Variants in CCNP observed in about 807,000 individuals in gnomAD.
The protein encoded by CCNP is cyclin-P.
Under a neutral mutation model 19.6 loss-of-function variants are expected in CCNP, and 18 were observed. The ratio of observed to expected loss-of-function variants is 0.92; its 90% CI spans 0.64 to 1.36. The LOEUF (loss-of-function observed/expected upper bound fraction) is 1.36. Ranked by LOEUF, CCNP falls within the 40% of genes most tolerant of loss-of-function variation. The pLI is 0.00. For missense variants in CCNP, 440 were observed against 424.4 expected (o/e 1.04, Z -0.32); for synonymous variants, 228 against 194.9 (o/e 1.17, Z -1.41).
At chr19:40,223,729 G>A (rs979042924) in intron 3 of CCNP, 183 bp from the exon 4 acceptor site, 4 of 773,476 alleles carry the variant, frequency 5.2e-6, no homozygotes, top group Non-Finnish European at 8.7e-6. Context: ...ACCTAGGTTC[G>A]AGTTCAAACC....
At chr19:40,223,622 C>T (rs1349339041) in intron 3 of CCNP, 76 bp from the exon 4 acceptor site, 1 of 1,593,726 alleles carries the variant, frequency 6.3e-7, no homozygotes, top group South Asian at 1.1e-5. Context: ...GGAAAGGCCC[C>T]AAGTTCCGGA....
In CCNP at chr19:40,223,075, G is replaced by A. The variant is rs1973473273; in HGVS notation, c.901C>T (p.Arg301Trp). The A allele has an allele frequency of 3.2e-6, 5 of 1,543,366 alleles. No homozygotes were observed. Among genetic ancestry groups the A allele is most frequent in the South Asian group, 2.4e-5 (2 of 83,630 alleles). ...CCTCAATAATTGTCTCTCATTCTCC[G>A]AGACCGTAAAAATGACCAGGAAGGT... ...DLPSWSFLRS[R>W]RMRDNY The change falls in exon 5 of 5, where the codon CGG becomes TGG. Residue 301 changes from arginine (R) to tryptophan (W), a missense_variant. By Grantham distance (101) the Arg-to-Trp change is moderately radical. Coordinates refer to ENST00000430325, the MANE Select transcript of CCNP (RefSeq NM_024877.4).
rs1973459260 is a variant in CCNP, at chr19:40,222,399, CG to C, written c.*652del. 1 of 398,494 alleles carries C rather than the reference CG, an allele frequency of 2.5e-6. No individual in the cohort carries two copies. The highest frequency in any genetic ancestry group is 1.3e-4 in the South Asian group (1 of 7,890). The allele number at this position is 398,494 out of a possible 1,614,324, so 24.7% of individuals were successfully genotyped here. A position where few individuals can be genotyped will look rare whatever the true frequency, so the allele number is the denominator to read the frequency against. ...GGCCGCGCATACTTGAGGAAGACTG[CG>C]GCGCGACCCGGCGCGGGACCTCGGA... is the stretch of plus-strand genomic sequence containing the variant. On this transcript the variant is annotated 3_prime_UTR_variant, in exon 5 of 5. Transcript: ENST00000430325.
intron 3 of CCNP, 21 bp from the exon 4 acceptor site, chr19:40,223,567 G>T (rs769180432): frequency 1.8e-5 from 28 of 1,598,144 alleles, no homozygotes; most frequent in Admixed American, 1.7e-5. Flanking sequence ...GGGATGCGGG[G>T]GGAGGTGAAG....
rs751717917 is a variant in CCNP at position 40,224,574 on chromosome 19, C to T, written c.427G>A (p.Gly143Ser). 2.5e-5 allele frequency: 41 copies of T among 1,614,182 alleles called. No individual in the cohort carries two copies. Among genetic ancestry groups the T allele is most frequent in the Non-Finnish European group, 3.4e-5 (40 of 1,180,022 alleles). The change falls in exon 3 of 5, where the codon GGC becomes AGC. Residue 143 changes from glycine to serine, a missense_variant. Physicochemically the swap from Gly to Ser is moderately conservative, Grantham distance 56. Coordinates refer to ENST00000430325, the MANE Select transcript of CCNP (RefSeq NM_024877.4). Reference sequence around the variant, plus strand: ...TGCAGGCGATGTAGACGCACGCGGCCAGCGCTCAGGTAGGAATCAAGCAGG... The same window carrying T: ...TGCAGGCGATGTAGACGCACGCGGCTAGCGCTCAGGTAGGAATCAAGCAGG... The part of the protein sequence containing the change: ...VHLLDSYLSA[G>S]RVRLHRLQLL...
In CCNP at chr19:40,226,510, G is replaced by C; in HGVS notation, c.132C>G (p.Val44=). 6.3e-7 allele frequency: 1 copy of C among 1,598,238 alleles called. No homozygotes were observed. Among genetic ancestry groups the C allele is most frequent in the Non-Finnish European group, 8.5e-7 (1 of 1,173,700 alleles). The part of the protein sequence containing the change: ...SLDAEPSSAA[V]PDGFPAGPTV... ...TGGGGCCCGCGGGGAAGCCGTCGGG[G>C]ACTGCGGCGCTTGAAGGCTCTGCGT... The change falls in exon 1 of 5, where the codon GTC becomes GTG. Residue 44 remains valine, a synonymous_variant. Coordinates refer to ENST00000430325, the MANE Select transcript of CCNP (RefSeq NM_024877.4).
At chr19:40,223,657 G>A in intron 3 of CCNP, 111 bp from the exon 4 acceptor site, 1 of 1,474,700 alleles carries the variant, frequency 6.8e-7, no homozygotes, top group Non-Finnish European at 9.4e-7. Context: ...TGTGTAAAAT[G>A]GGGCCATTGA....
chr19:40,226,331 G>A (rs745742253), intron 1 of CCNP, 44 bp downstream of exon 1: 1 of 1,564,100 alleles, frequency 6.4e-7, no homozygotes, highest in South Asian at 1.1e-5. Context: ...GCCGGGCGGT[G>A]GGCCGGCGTC....
chr19:40,222,757 G>A lies in CCNP; in HGVS notation c.*295C>T, dbSNP rs1197144174. 4.7e-6 allele frequency: 2 copies of A among 425,068 alleles called. No homozygotes were observed. The highest frequency in any genetic ancestry group is 4.1e-5 in the Admixed American group (1 of 24,174). The allele number at this position is 425,068 out of a possible 1,614,324, so 26.3% of individuals were successfully genotyped here. Reference sequence around the variant, plus strand: ...GAGGATGGGCAGCCATCCTCTCTATGCTGGGTGCACAGGCTGAGGGAAACC... The same window carrying A: ...GAGGATGGGCAGCCATCCTCTCTATACTGGGTGCACAGGCTGAGGGAAACC... On this transcript the variant is annotated 3_prime_UTR_variant, in exon 5 of 5. Transcript: ENST00000430325.
Position 40,223,392 on chromosome 19 carries a change from G to C in CCNP, c.668C>G (p.Pro223Arg). The C allele has an allele frequency of 9.7e-6, 15 of 1,550,542 alleles. No homozygotes were observed. The highest frequency in any genetic ancestry group is 1.3e-5 in the Non-Finnish European group (15 of 1,149,254). The change falls in exon 4 of 5, where the codon CCC (proline) becomes CGC (arginine). Residue 223 changes from proline to arginine, a missense_variant. Physicochemically the swap from Pro to Arg is moderately radical, Grantham distance 103. Coordinates refer to ENST00000430325, the MANE Select transcript of CCNP (RefSeq NM_024877.4). ...GLLAALAGSS[P>R]QVMLLATYFL... ...CGCGTATTCACAAGGGCTCACCTGG[G>C]GGCTGCTCCCTGCCAGCGCGGCCAG...
At chr19:40,225,079 T>TTTTTTTTA (rs1973521692) in intron 1 of CCNP, 1 of 432,156 alleles carries the variant, frequency 2.3e-6, no homozygotes, top group African/African-American at 2.6e-5. Context: ...TTTTTTTTTT[T>TTTTTTTTA]GAGACAAAGT....
rs764573952 is a variant in CCNP, at chr19:40,223,506, C to G, written c.554G>C (p.Arg185Pro). Residue 185 changes from arginine (R) to proline (P), a missense_variant, in exon 4 of 5, where the codon CGG becomes CCG. By Grantham distance (103) the Arg-to-Pro change is moderately radical. Coordinates refer to ENST00000430325, the MANE Select transcript of CCNP (RefSeq NM_024877.4). ...LCLLSADSFSRAELLRAERRI... is the reference protein window; with the variant it reads ...LCLLSADSFSPAELLRAERRI... Reference sequence around the variant, plus strand: ...ACGCTCGGCGCGCAGCAGCTCCGCCCGTGAGAAGGAGTCCGCGCTCAGGAG... The same window carrying G: ...ACGCTCGGCGCGCAGCAGCTCCGCCGGTGAGAAGGAGTCCGCGCTCAGGAG... 4.4e-6 allele frequency: 7 copies of G among 1,607,978 alleles called. No individual in the cohort carries two copies. The highest frequency in any genetic ancestry group is 2.2e-5 in the East Asian group (1 of 44,752).
At chr19:40,224,202 G>C (rs933996540) in intron 3 of CCNP, among the ~76,000 whole-genome samples, 2 of 152,052 alleles carry the variant, frequency 1.3e-5, no homozygotes, top group South Asian at 2.1e-4. Context: ...TGATCTGCCG[G>C]TTTCAGCCTT....
At position 40,223,468 on chromosome 19, in the gene CCNP, G is replaced by C. The variant is rs748047515; in HGVS notation, c.592C>G (p.Arg198Gly). ...LLRAERRILSRLDFRLHHPGP... is the reference protein window; with the variant it reads ...LLRAERRILSGLDFRLHHPGP... ...GGGTGGTGCAGCCGGAAATCCAGGCGGCTCAGGATGCGACGCTCGGCGCGC... is the reference window on the plus strand; with the variant it reads ...GGGTGGTGCAGCCGGAAATCCAGGCCGCTCAGGATGCGACGCTCGGCGCGC... Residue 198 changes from arginine (R) to glycine (G), a missense_variant, in exon 4 of 5, where the codon CGC becomes GGC. By Grantham distance (125) the Arg-to-Gly change is moderately radical. Transcript: ENST00000430325. The C allele has an allele frequency of 6.2e-7, 1 of 1,611,048 alleles. No homozygotes were observed. The highest frequency in any genetic ancestry group is 8.5e-7 in the Non-Finnish European group (1 of 1,178,412).
At position 40,223,152 on chromosome 19, in the gene CCNP, C is replaced by T. The variant is rs922528988; in HGVS notation, c.824G>A (p.Arg275Lys). Residue 275 changes from arginine to lysine, a missense_variant, in exon 5 of 5, where the codon AGG (arginine) becomes AAG (lysine). By Grantham distance (26) the Arg-to-Lys change is conservative. Transcript: ENST00000430325. ...AGSRLQPELY[R>K]CSLGGGSVWG... ...TACACTTCCTCCGCCAAGACTACAC[C>T]TGTAAAGTTCTGGCTGGAGCCTGGA... 7.7e-6 allele frequency: 12 copies of T among 1,551,510 alleles called. No homozygotes were observed. The Admixed American group carries it at 1.2e-4, about 15-fold the overall frequency.
rs773431582 is a variant in CCNP at position 40,223,218 on chromosome 19, G to T, written c.758C>A (p.Ala253Glu). Residue 253 changes from alanine (A) to glutamate (E), a missense_variant, in exon 5 of 5, where the codon GCG (alanine) becomes GAG (glutamate). By Grantham distance (107) the Ala-to-Glu change is moderately radical (BLOSUM62 -1). Coordinates refer to ENST00000430325, the MANE Select transcript of CCNP (RefSeq NM_024877.4). ...AGWEPGRRAA[A>E]ALSLAHRLLD... ...CAAGCGGTGCGCCAGGCTCAGAGCC[G>T]CAGCCGCACGACGACCCGGCTCCCA... is the stretch of plus-strand genomic sequence containing the variant. 8 of 1,549,030 alleles carry T rather than the reference G, an allele frequency of 5.2e-6. No homozygotes were observed. Among genetic ancestry groups the T allele is most frequent in the Non-Finnish European group, 6.1e-6 (7 of 1,145,966 alleles).
intron 3 of CCNP, among the ~76,000 whole-genome samples, chr19:40,223,974 T>G (rs1212951069): frequency 2.7e-5 from 4 of 150,356 alleles, no homozygotes; most frequent in Non-Finnish European, 5.9e-5. Flanking sequence ...TTTGTTTTGT[T>G]TTTTTTTGTT....
At chr19:40,226,310 G>A (rs1019513147) in intron 1 of CCNP, 65 bp downstream of exon 1, 2 of 1,454,372 alleles carry the variant, frequency 1.4e-6, no homozygotes, top group Non-Finnish European at 1.9e-6. Flanking sequence ...TCAGAGTGGT[G>A]TTGAGTGGGT....
Position 40,223,582 on chromosome 19 carries a change from C to T in CCNP, c.514-36G>A, listed in dbSNP as rs553228568. 2.5e-5 allele frequency: 40 copies of T among 1,600,568 alleles called. No individual in the cohort carries two copies. The East Asian group carries it at 9.0e-4, about 36-fold the overall frequency. On this transcript the variant is annotated intron_variant, in intron 3 of 4. Transcript: ENST00000430325. ...GGGATGCGGGGGGAGGTGAAGGAGTCTTGGATCCGGGCTCTTTACTCCCTG... is the reference window on the plus strand; with the variant it reads ...GGGATGCGGGGGGAGGTGAAGGAGTTTTGGATCCGGGCTCTTTACTCCCTG...
Sources: gnomAD v4.1 joint callset for allele counts (sites outside exome capture counted in the v4.1 genomes callset) on GRCh38, gnomAD v4.1.1 for gene constraint, MANE v1.5 for transcripts, NCBI Gene and HGNC (gene_info 2026-07-23, HGNC 2026-07-21) for gene names.